The following FBF1 variants were observed in gnomAD, a reference collection of about 807,000 sequenced individuals.
FBF1 encodes the protein fas-binding factor 1.
Under a neutral mutation model 147.2 loss-of-function variants are expected in FBF1, and 119 were observed. That is an observed-to-expected ratio of 0.81 (90% CI 0.70 to 0.94). The LOEUF (loss-of-function observed/expected upper bound fraction) is 0.94. Among genes scored for constraint, FBF1 ranks in the 40% least tolerant of loss-of-function variants. FBF1 has a pLI of 0.00. For missense variants in FBF1, 1,449 were observed against 1,500.8 expected (o/e 0.97, Z 0.57); for synonymous variants, 601 against 609.0 (o/e 0.99, Z 0.19).
At chr17:75,940,458 G>A (rs2144207876) in intron 1 of FBF1, 1 of 152,200 alleles carries the variant, frequency 6.6e-6, no homozygotes, top group East Asian at 1.9e-4. Context: ...GTCTCCCTAT[G>A]TTGCCCAGGG....
Position 75,910,606 on chromosome 17 carries a change from C to T in FBF1, c.*117G>A. ...TGCACCCTGTCCACGGAAGAGCTGT[C>T]ATCAGGCCTCAAGCATCTCAGAATC... On this transcript the variant is annotated 3_prime_UTR_variant, in exon 30 of 30. Coordinates refer to ENST00000636174, the MANE Select transcript of FBF1 (RefSeq NM_001319193.2). The surrounding 1 kb of genome is among the most constrained non-coding windows in gnomAD (Gnocchi z 4.1). 1.2e-6 allele frequency: 1 copy of T among 857,308 alleles called. No homozygotes were observed. 53.1% of individuals were successfully genotyped at this position (857,308 alleles called of 1,614,324 possible). A position where few individuals can be genotyped will look rare whatever the true frequency, so the allele number is the denominator to read the frequency against.
chr17:75,931,136 C>A, intron 6 of FBF1, 93 bp downstream of exon 6: 1 of 1,369,302 alleles, frequency 7.3e-7, no homozygotes, highest in Admixed American at 2.0e-5. Context: ...GCAGGGACTT[C>A]TAAACCCTTC....
intron 28 of FBF1, 56 bp from the exon 29 acceptor site, chr17:75,912,363 G>T: frequency 7.4e-7 from 1 of 1,349,214 alleles, no homozygotes; most frequent in Non-Finnish European, 1.0e-6. Context: ...ATACCGGGCG[G>T]TCACAGCTTG....
intron 4 of FBF1, among the ~76,000 whole-genome samples, chr17:75,934,668 T>C (rs2065613251): frequency 6.6e-6 from 1 of 151,564 alleles, no homozygotes; most frequent in Admixed American, 6.6e-5. Flanking sequence ...CACCTGAGGT[T>C]GGGAGTTCGA....
intron 4 of FBF1, among the ~76,000 whole-genome samples, chr17:75,933,963 T>C (rs1370831991): frequency 6.6e-6 from 1 of 152,160 alleles, no homozygotes; most frequent in Non-Finnish European, 1.5e-5. Context: ...GTTGGTGGGA[T>C]GTAAAATGGC....
chr17:75,922,145 C>T lies in FBF1; in HGVS notation c.1425-99G>A, dbSNP rs1186802599. On this transcript the variant is annotated intron_variant, in intron 14 of 29. Coordinates refer to ENST00000636174, the MANE Select transcript of FBF1 (RefSeq NM_001319193.2). The surrounding 1 kb of genome is among the most constrained non-coding windows in gnomAD (Gnocchi z 5.0). The stretch of plus-strand genomic sequence containing the variant: ...CGGGCTTCACACGTGAAGCTCGTGG[C>T]CCCCCTTCCTCCTGCTTCCACCATC... The T allele has an allele frequency of 3.1e-6, 3 of 979,786 alleles. No homozygotes were observed. Among genetic ancestry groups the T allele is most frequent in the Non-Finnish European group, 1.5e-6 (1 of 652,986 alleles). The allele number at this position is 979,786 out of a possible 1,614,324, so 60.7% of individuals were successfully genotyped here. A position where few individuals can be genotyped will look rare whatever the true frequency, so the allele number is the denominator to read the frequency against.
intron 23 of FBF1, 61 bp downstream of exon 23, chr17:75,917,671 G>T: frequency 6.9e-7 from 1 of 1,439,684 alleles, no homozygotes; most frequent in Non-Finnish European, 9.4e-7. Flanking sequence ...ACACTTGCGG[G>T]TGCCCTGGAG....
chr17:75,922,837 G>A lies in FBF1; in HGVS notation c.1424+349C>T, dbSNP rs1164801359. Among the ~76,000 whole-genome samples, 3 of 152,220 alleles carry A rather than the reference G, an allele frequency of 2.0e-5. No individual in the cohort carries two copies. Among genetic ancestry groups the A allele is most frequent in the Admixed American group, 6.5e-5 (1 of 15,286 alleles). On this transcript the variant is annotated intron_variant, in intron 14 of 29. Transcript: ENST00000636174. This position sits in a 1 kb window ranked among gnomAD's most constrained non-coding sequence, Gnocchi z 5.0. ...CAGAAGCACCGGCTGTTTGGATGCC[G>A]GGGCTTCCAGCCTGAGGGCGCTGTG...
Position 75,914,070 on chromosome 17 carries a change from G to C in FBF1, c.2992-20C>G. 1 of 1,592,936 alleles carries C rather than the reference G, an allele frequency of 6.3e-7. No individual in the cohort carries two copies. Among genetic ancestry groups the C allele is most frequent in the Non-Finnish European group, 8.5e-7 (1 of 1,175,784 alleles). ...GGCCACCTGCAGGGAGGCCGCCTGG[G>C]TCAGGGCTGCCTGGGCTCAGATGCG... On this transcript the variant is annotated intron_variant, in intron 26 of 29. Coordinates refer to ENST00000636174, the MANE Select transcript of FBF1 (RefSeq NM_001319193.2).
Position 75,920,528 on chromosome 17 carries a change from A to G in FBF1, c.1675-99T>C, listed in dbSNP as rs1441966892. 8 of 1,304,194 alleles carry G rather than the reference A, an allele frequency of 6.1e-6. No homozygotes were observed. In the Admixed American group the frequency reaches 1.5e-4, roughly 25 times the overall value. The allele number at this position is 1,304,194 out of a possible 1,614,324, so 80.8% of individuals were successfully genotyped here. A position where few individuals can be genotyped will look rare whatever the true frequency, so the allele number is the denominator to read the frequency against. ...CCCACTGCTCACTGGACCTCCCTGC[A>G]TCTGATCTGTGGCTGCAGATGGGGC... On this transcript the variant is annotated intron_variant, in intron 17 of 29. Transcript: ENST00000636174.
chr17:75,921,622 G>A (rs902423019), intron 15 of FBF1, 62 bp from the exon 16 acceptor site: 169 of 1,379,092 alleles, frequency 1.2e-4, no homozygotes, highest in Admixed American at 9.5e-5. Flanking sequence ...GACGGGGCAG[G>A]GTGGGCAGCC....
intron 1 of FBF1, among the ~76,000 whole-genome samples, chr17:75,938,817 G>C (rs929340307): frequency 2.7e-5 from 4 of 149,842 alleles, no homozygotes; most frequent in Non-Finnish European, 3.0e-5. Flanking sequence ...AGTGAGCTGA[G>C]ATCATGCTAT....
Position 75,913,751 on chromosome 17 carries a change from G to A in FBF1, c.3198C>T (p.Leu1066=). Residue 1066 remains leucine (L), a synonymous_variant, in exon 28 of 30, where the codon CTC becomes CTT. Coordinates refer to ENST00000636174, the MANE Select transcript of FBF1 (RefSeq NM_001319193.2). Reference sequence around the variant, plus strand: ...CCTGGGCCCTGGGGAACAGACCCACGAGGCTAGAGGGCAGGTCCTGTCGTG... The same window carrying A: ...CCTGGGCCCTGGGGAACAGACCCACAAGGCTAGAGGGCAGGTCCTGTCGTG... ...DRARQDLPSS[L]VGLFPRAQGP... is the part of the protein sequence containing the mutation. 10 of 1,603,334 alleles carry A rather than the reference G, an allele frequency of 6.2e-6. No individual in the cohort carries two copies. Among genetic ancestry groups the A allele is most frequent in the Non-Finnish European group, 8.5e-6 (10 of 1,179,444 alleles).
chr17:75,910,232 A>G lies in FBF1; in HGVS notation c.*491T>C. 1 of 363,204 alleles carries G rather than the reference A, an allele frequency of 2.8e-6. No individual in the cohort carries two copies. The highest frequency in any genetic ancestry group is 5.4e-6 in the Non-Finnish European group (1 of 185,908). The allele number at this position is 363,204 out of a possible 1,614,324, so 22.5% of individuals were successfully genotyped here. A position where few individuals can be genotyped will look rare whatever the true frequency, so the allele number is the denominator to read the frequency against. Reference sequence around the variant, plus strand: ...AGGATCTAGCTGGTGCCCTCCCTGTACTGTCAGGAGGCCAGAGGGCCCTTC... The same window carrying G: ...AGGATCTAGCTGGTGCCCTCCCTGTGCTGTCAGGAGGCCAGAGGGCCCTTC... On this transcript the variant is annotated 3_prime_UTR_variant, in exon 30 of 30. Coordinates refer to ENST00000636174, the MANE Select transcript of FBF1 (RefSeq NM_001319193.2). The surrounding 1 kb of genome is among the most constrained non-coding windows in gnomAD (Gnocchi z 4.1).
chr17:75,928,325 G>T lies in FBF1; in HGVS notation c.280-132C>A. On this transcript the variant is annotated intron_variant, in intron 7 of 29. Transcript: ENST00000636174. The surrounding 1 kb of genome is among the most constrained non-coding windows in gnomAD (Gnocchi z 4.2). ...AACAAAGGAAAATGAGAAAACTGTTGAGAAAAACAGTGAGTGAAGAAAGAA... is the reference window on the plus strand; with the variant it reads ...AACAAAGGAAAATGAGAAAACTGTTTAGAAAAACAGTGAGTGAAGAAAGAA... 2.8e-6 allele frequency: 2 copies of T among 715,502 alleles called. No individual in the cohort carries two copies. The highest frequency in any genetic ancestry group is 2.7e-5 in the East Asian group (1 of 36,788). The allele number at this position is 715,502 out of a possible 1,614,324, so 44.3% of individuals were successfully genotyped here. A position where few individuals can be genotyped will look rare whatever the true frequency, so the allele number is the denominator to read the frequency against.
chr17:75,930,240 C>A, intron 6 of FBF1, 193 bp from the exon 7 acceptor site: 1 of 591,082 alleles, frequency 1.7e-6, no homozygotes, highest in African/African-American at 1.9e-5. Flanking sequence ...GAAGCCAAAC[C>A]TGCCTGGTTT....
At position 75,918,227 on chromosome 17, in the gene FBF1, C is replaced by G. The variant is rs369905968; in HGVS notation, c.2181G>C (p.Leu727=). 6.2e-7 allele frequency: 1 copy of G among 1,613,414 alleles called. No homozygotes were observed. ...LDMRRDHEEQ[L]QRLKLLKDRE... Reference sequence around the variant, plus strand: ...GGTCCTTCAGCAGCTTTAGCCGCTGCAGCTGCTCCTCGTGGTCTCTGCGCA... The same window carrying G: ...GGTCCTTCAGCAGCTTTAGCCGCTGGAGCTGCTCCTCGTGGTCTCTGCGCA... The change falls in exon 21 of 30, where the codon CTG becomes CTC. Residue 727 remains leucine, a synonymous_variant. Coordinates refer to ENST00000636174, the MANE Select transcript of FBF1 (RefSeq NM_001319193.2). The surrounding 1 kb of genome is among the most constrained non-coding windows in gnomAD (Gnocchi z 5.8).
At position 75,914,265 on chromosome 17, in the gene FBF1, G is replaced by T; in HGVS notation, c.2848C>A (p.Leu950Ile). Residue 950 changes from leucine to isoleucine, a missense_variant, in exon 26 of 30, where the codon CTC becomes ATC. Coordinates refer to ENST00000636174, the MANE Select transcript of FBF1 (RefSeq NM_001319193.2). ...GCCAGCTGCTTCTCCTCGGCCCGGA[G>T]CTCGCTGGCCCTGATCTTCAGCTCA... The part of the protein sequence containing the change: ...QAELKIRASE[L>I]RAEEKQLAAE... 1 of 1,592,694 alleles carries T rather than the reference G, an allele frequency of 6.3e-7. No individual in the cohort carries two copies.
intron 25 of FBF1, 166 bp from the exon 26 acceptor site, chr17:75,914,464 C>T (rs2065475594): frequency 4.5e-6 from 5 of 1,107,304 alleles, no homozygotes; most frequent in Non-Finnish European, 6.2e-6. Flanking sequence ...GAGTGCTGCC[C>T]TCACAAGCCA....
Sources: gnomAD v4.1 joint callset for allele counts (sites outside exome capture counted in the v4.1 genomes callset) on GRCh38, gnomAD v4.1.1 for gene constraint, Gnocchi (gnomAD v3.1) non-coding constraint, MANE v1.5 for transcripts, NCBI Gene and HGNC (gene_info 2026-07-23, HGNC 2026-07-21) for gene names.